Variants in DEFB124 observed in about 807,000 individuals in gnomAD.
DEFB124 encodes defensin beta 124.
For synonymous variants in DEFB124, 38 were observed against 36.5 expected, an observed-to-expected ratio of 1.04 and a Z score of -0.15; for missense variants, 78 against 83.1, an observed-to-expected ratio of 0.94 and a Z score of 0.24.
intron 2 of DEFB124, chr20:31,472,694 CAT>C: frequency 2.3e-6 from 1 of 430,872 alleles, no homozygotes; most frequent in Non-Finnish European, 4.1e-6. Context: ...TTCACTGCTA[CAT>C]GTCTTTCACT....
At chr20:31,472,908 C>A in intron 2 of DEFB124, 48 bp downstream of exon 2, 2 of 1,504,126 alleles carry the variant, frequency 1.3e-6, no homozygotes, top group Non-Finnish European at 1.8e-6. Context: ...TTTTTACAAG[C>A]ACACATGTGC....
chr20:31,468,196 C>T (rs181335178), intron 2 of DEFB124, among the ~76,000 whole-genome samples: 1 of 152,208 alleles, frequency 6.6e-6, no homozygotes, highest in Non-Finnish European at 1.5e-5. Flanking sequence ...GTGCTCCCCC[C>T]GCTAGCCACA....
intron 2 of DEFB124, 61 bp from the exon 3 acceptor site, chr20:31,465,724 T>C (rs1403231493): frequency 6.3e-7 from 1 of 1,578,280 alleles, no homozygotes; most frequent in Admixed American, 1.8e-5. Flanking sequence ...AGACCACTGG[T>C]CACAAGTTAG....
chr20:31,465,802 T>C (rs1257846046), intron 2 of DEFB124, 139 bp from the exon 3 acceptor site: 7 of 993,030 alleles, frequency 7.0e-6, no homozygotes, highest in Non-Finnish European at 9.0e-6. Flanking sequence ...TAGTCACAGA[T>C]GAGAGTACTG....
chr20:31,472,292 A>C (rs540870515), intron 2 of DEFB124, among the ~76,000 whole-genome samples: 1 of 152,216 alleles, frequency 6.6e-6, no homozygotes, highest in African/African-American at 2.4e-5. Context: ...AATCGCAGGC[A>C]CTGGGCAGGC....
intron 2 of DEFB124, among the ~76,000 whole-genome samples, chr20:31,470,588 T>A (rs1205341183): frequency 9.0e-6 from 1 of 110,966 alleles, no homozygotes; most frequent in African/African-American, 3.8e-5. Context: ...ACGGGGCGGC[T>A]GGCCGGGCGG....
At chr20:31,472,386 G>A (rs936249154) in intron 2 of DEFB124, among the ~76,000 whole-genome samples, 2 of 149,688 alleles carry the variant, frequency 1.3e-5, no homozygotes, top group Admixed American at 1.3e-4. Context: ...ATCAGAGGGA[G>A]ACAGTGGAAA....
chr20:31,471,898 A>C (rs1303194193), intron 2 of DEFB124, among the ~76,000 whole-genome samples: 3 of 149,932 alleles, frequency 2.0e-5, no homozygotes, highest in African/African-American at 7.4e-5. Flanking sequence ...GGCGGGGCAG[A>C]GACGCTCCTC....
chr20:31,469,960 T>C (rs1980188383), intron 2 of DEFB124, among the ~76,000 whole-genome samples: 1 of 150,554 alleles, frequency 6.6e-6, no homozygotes. Flanking sequence ...AATGAGCTGT[T>C]GGGTACACCT....
intron 2 of DEFB124, 164 bp downstream of exon 2, chr20:31,472,792 G>T (rs1980370503): frequency 3.0e-6 from 2 of 674,818 alleles, no homozygotes; most frequent in Non-Finnish European, 4.6e-6. Flanking sequence ...GGTACAGGCT[G>T]ATTTAGCAAC....
At chr20:31,470,088 C>G (rs1385410403) in intron 2 of DEFB124, among the ~76,000 whole-genome samples, 14 of 129,686 alleles carry the variant, frequency 1.1e-4, no homozygotes, top group Non-Finnish European at 1.5e-4. Flanking sequence ...CTGACCCCCC[C>G]ACCTCCCTCC....
At chr20:31,470,560 A>AG (rs1419899194) in intron 2 of DEFB124, among the ~76,000 whole-genome samples, 3 of 71,786 alleles carry the variant, frequency 4.2e-5, no homozygotes, top group Non-Finnish European at 5.2e-5. Context: ...CGGGGGGCTG[A>AG]CCCCACCTCC....
At chr20:31,473,069 C>A in intron 1 of DEFB124, 31 bp from the exon 2 acceptor site, 1 of 1,593,586 alleles carries the variant, frequency 6.3e-7, no homozygotes. Flanking sequence ...AAGACCCGAG[C>A]AGGCTGAGCC....
At chr20:31,472,909 ACACATGTG>A in intron 2 of DEFB124, 39 bp downstream of exon 2, 1 of 1,484,520 alleles carries the variant, frequency 6.7e-7, no homozygotes, top group East Asian at 2.3e-5. Context: ...TTTTACAAGC[ACACATGTG>A]CACACACACA....
chr20:31,471,614 C>CT (rs1332361823), intron 2 of DEFB124, among the ~76,000 whole-genome samples: 2 of 148,302 alleles, frequency 1.3e-5, no homozygotes, highest in Admixed American at 1.3e-4. Flanking sequence ...GACGGGGTGG[C>CT]TGCCGGGCAG....
chr20:31,471,062 C>T (rs1437672844), intron 2 of DEFB124, among the ~76,000 whole-genome samples: 16 of 141,192 alleles, frequency 1.1e-4, no homozygotes, highest in Non-Finnish European at 9.5e-5. Flanking sequence ...GGCTGACCCC[C>T]CCCACCTCCC....
intron 2 of DEFB124, 39 bp downstream of exon 2, chr20:31,472,917 G>GCA (rs34150499): frequency 0.18 from 278,427 of 1,512,238 alleles, 10,909 homozygotes; most frequent in African/African-American, 0.29. Flanking sequence ...GCACACATGT[G>GCA]CACACACACA....
chr20:31,470,088 C>A (rs1385410403), intron 2 of DEFB124, among the ~76,000 whole-genome samples: 8 of 129,686 alleles, frequency 6.2e-5, no homozygotes, highest in South Asian at 4.4e-4. Flanking sequence ...CTGACCCCCC[C>A]ACCTCCCTCC....
intron 2 of DEFB124, among the ~76,000 whole-genome samples, chr20:31,471,604 G>A (rs1460206260): frequency 6.7e-6 from 1 of 149,396 alleles, no homozygotes; most frequent in East Asian, 2.0e-4. Context: ...TCACTTCCCA[G>A]ACGGGGTGGC....
Sources: gnomAD v4.1 joint callset for allele counts (sites outside exome capture counted in the v4.1 genomes callset) on GRCh38, gnomAD v4.1.1 for gene constraint, MANE v1.5 for transcripts, NCBI Gene and HGNC (gene_info 2026-07-23, HGNC 2026-07-21) for gene names.